Variants in TNIK observed in about 807,000 individuals in gnomAD.
The protein encoded by TNIK is TRAF2 and NCK-interacting protein kinase.
Under a neutral mutation model 191.3 loss-of-function variants are expected in TNIK, and 49 were observed. The ratio of observed to expected loss-of-function variants is 0.26; its 90% confidence interval spans 0.20 to 0.32. TNIK has a LOEUF of 0.32. TNIK is among the 10% of genes least tolerant of loss of function. The pLI, the probability that TNIK is intolerant of heterozygous loss-of-function variation, is 1.00. For synonymous variants in TNIK, 594 were observed against 600.9 expected, an observed-to-expected ratio of 0.99 and a Z score of 0.17; for missense variants, 1,155 against 1,702.3, an observed-to-expected ratio of 0.68 and a Z score of 5.66.
chr3:171,098,436 T>C (rs1343992087), intron 22 of TNIK, among the ~76,000 whole-genome samples: 1 of 152,224 alleles, frequency 6.6e-6, no homozygotes, highest in African/African-American at 2.4e-5. Flanking sequence ...CTCGTTATTT[T>C]TCTATGCATG....
chr3:171,244,273 G>A (rs1399110428), intron 2 of TNIK, among the ~76,000 whole-genome samples: 3 of 151,964 alleles, frequency 2.0e-5, no homozygotes, highest in Non-Finnish European at 4.4e-5. Context: ...CACCATGTTA[G>A]CCAGGATGGT....
rs1489095356 is a variant in TNIK, at chr3:171,264,093, CACACACACACACACACACAT to C, written c.124-35892_124-35873del. On this transcript the variant is annotated intron_variant, in intron 2 of 32. Transcript: ENST00000436636. ...ACACACACACACACACACACACACA[CACACACACACACACACACAT>C]ATATATATATATATATATACACCCC... 3.2e-3 allele frequency among the ~76,000 whole-genome samples: 279 copies of C among 86,432 alleles called. 2 individuals are homozygous for C. Among genetic ancestry groups the C allele is most frequent in the Non-Finnish European group, 2.0e-3 (76 of 37,730 alleles). The allele number at this position is 86,432 out of a possible 152,430, so 56.7% of individuals were successfully genotyped here.
intron 7 of TNIK, among the ~76,000 whole-genome samples, chr3:171,180,710 CTTAGCAGCTGGT>C (rs1224175790): frequency 3.9e-5 from 6 of 152,212 alleles, no homozygotes. Context: ...CAAAGAGCAA[CTTAGCAGCTGGT>C]TTTAAACTGA....
chr3:171,228,367 T>C (rs567050972), intron 2 of TNIK, 146 bp from the exon 3 acceptor site: 2 of 742,236 alleles, frequency 2.7e-6, no homozygotes, highest in East Asian at 2.7e-5. Flanking sequence ...AGAAACACCA[T>C]GTCTACTTAG....
chr3:171,347,113 A>T, intron 2 of TNIK: 1 of 1,508,878 alleles, frequency 6.6e-7, no homozygotes, highest in Non-Finnish European at 8.8e-7. Context: ...CATTTAGGAA[A>T]TAGGATCAGC....
chr3:171,156,724 C>T (rs1733228217), intron 12 of TNIK, among the ~76,000 whole-genome samples: 1 of 152,212 alleles, frequency 6.6e-6, no homozygotes, highest in African/African-American at 2.4e-5. Flanking sequence ...TGGCTTCCCA[C>T]ACAGATAAGC....
At chr3:171,101,310 A>T in intron 22 of TNIK, 139 bp downstream of exon 22, 1 of 929,428 alleles carries the variant, frequency 1.1e-6, no homozygotes, top group Non-Finnish European at 1.6e-6. Flanking sequence ...CTATGCTCCA[A>T]CAAAAACCCA....
intron 1 of TNIK, among the ~76,000 whole-genome samples, chr3:171,400,574 A>G (rs917597435): frequency 1.3e-5 from 2 of 151,708 alleles, no homozygotes; most frequent in Admixed American, 6.6e-5. Flanking sequence ...CTATCTCACA[A>G]TAAATAAATA....
chr3:171,134,931 C>A (rs6444964), intron 15 of TNIK, among the ~76,000 whole-genome samples: 149,739 of 152,334 alleles, frequency 0.98, 73,612 homozygotes, highest in East Asian at 1. Context: ...CTTGATGAGA[C>A]GGCATAGAGC....
At chr3:171,166,162 T>A (rs949442708) in intron 10 of TNIK, among the ~76,000 whole-genome samples, 12 of 152,142 alleles carry the variant, frequency 7.9e-5, no homozygotes, top group African/African-American at 2.9e-4. Context: ...CTATGACTCA[T>A]GAGTTGTTAA....
chr3:171,406,914 AG>A (rs1379795267), intron 1 of TNIK, among the ~76,000 whole-genome samples: 1 of 152,268 alleles, frequency 6.6e-6, no homozygotes, highest in African/African-American at 2.4e-5. Context: ...CAAAGATCAC[AG>A]TAGACTCTGT....
At chr3:171,213,482 T>C (rs183872374) in intron 3 of TNIK, among the ~76,000 whole-genome samples, 1 of 152,160 alleles carries the variant, frequency 6.6e-6, no homozygotes. Context: ...ACCGCTTGCC[T>C]CCTGGATTCT....
At chr3:171,217,528 T>C (rs1741590540) in intron 3 of TNIK, among the ~76,000 whole-genome samples, 1 of 151,908 alleles carries the variant, frequency 6.6e-6, no homozygotes, top group Admixed American at 6.6e-5. Context: ...CACATGTACC[T>C]CCTGAGTCTA....
chr3:171,444,503 A>G (rs1727225875), intron 1 of TNIK, among the ~76,000 whole-genome samples: 1 of 152,048 alleles, frequency 6.6e-6, no homozygotes, highest in Non-Finnish European at 1.5e-5. Context: ...GAAAAACAGG[A>G]AATCGACATC....
In TNIK at chr3:171,188,487, TA is replaced by T. The variant is rs1474298960; in HGVS notation, c.639+214del. Among the ~76,000 whole-genome samples, 5 of 152,358 alleles carry T rather than the reference TA, an allele frequency of 3.3e-5. No homozygotes were observed. In the East Asian group the frequency reaches 7.7e-4, roughly 23 times the overall value. ...TAGAAAATGATTTAAACTTTTTATT[TA>T]TTTTTTTATTTTTTACAAACAGGCC... On this transcript the variant is annotated intron_variant, in intron 7 of 32. Coordinates refer to ENST00000436636, the MANE Select transcript of TNIK (RefSeq NM_015028.4).
intron 30 of TNIK, among the ~76,000 whole-genome samples, chr3:171,067,393 G>A (rs375814515): frequency 1.7e-4 from 26 of 152,082 alleles, no homozygotes; most frequent in Non-Finnish European, 2.5e-4. Flanking sequence ...CATTATTGCC[G>A]CACACAGTGG....
At chr3:171,269,138 T>C (rs1364985914) in intron 2 of TNIK, among the ~76,000 whole-genome samples, 1 of 152,216 alleles carries the variant, frequency 6.6e-6, no homozygotes, top group Non-Finnish European at 1.5e-5. Context: ...AATGGCAGCA[T>C]GTTGGCTACT....
intron 2 of TNIK, among the ~76,000 whole-genome samples, chr3:171,357,424 G>T (rs1341644876): frequency 1.3e-5 from 2 of 151,920 alleles, no homozygotes; most frequent in Non-Finnish European, 2.9e-5. Context: ...GAGTAGCTGG[G>T]ATTACAGGCC....
intron 3 of TNIK, among the ~76,000 whole-genome samples, chr3:171,214,394 T>C (rs1009957763): frequency 2.6e-5 from 4 of 152,182 alleles, no homozygotes; most frequent in Non-Finnish European, 4.4e-5. Flanking sequence ...TGAATCATCA[T>C]GTATCTTTTC....
Sources: allele counts gnomAD v4.1 joint callset (sites outside exome capture counted in the v4.1 genomes callset), GRCh38; gene constraint gnomAD v4.1.1; transcripts MANE v1.5; gene names NCBI Gene and HGNC (gene_info 2026-07-23, HGNC 2026-07-21).